Variants in FGF1 observed in about 807,000 individuals in gnomAD.
The protein encoded by FGF1 is fibroblast growth factor 1.
FGF1 carries 9 observed loss-of-function variants against 13.4 expected under a neutral mutation model. That is an observed-to-expected ratio of 0.67 (90% CI 0.40 to 1.17). The LOEUF is 1.17. Ranked by LOEUF, FGF1 falls within the 50% of genes most tolerant of loss-of-function variation. The pLI, the probability that FGF1 is intolerant of heterozygous loss-of-function variation, is 0.01. For missense variants in FGF1, 156 were observed against 192.7 expected, an observed-to-expected ratio of 0.81 and a Z score of 1.13; for synonymous variants, 93 against 79.0, an observed-to-expected ratio of 1.18 and a Z score of -0.94.
Position 142,613,281 on chromosome 5 carries a change from TAG to T in FGF1, c.169+676_169+677del, listed in dbSNP as rs575248141. ...AGATAGTCAAGAAGATTCTTTTCTC[TAG>T]AGTCATACCTTCATTTGTCAACACC... On this transcript the variant is annotated intron_variant, in intron 2 of 3. Coordinates refer to ENST00000337706, the MANE Select transcript of FGF1 (RefSeq NM_000800.5). Among the ~76,000 whole-genome samples, 8 of 152,372 alleles carry T rather than the reference TAG, an allele frequency of 5.3e-5. No homozygotes were observed. The South Asian group carries it at 1.7e-3, about 32-fold the overall frequency.
At chr5:142,648,966 G>A (rs756367709) in intron 1 of FGF1, among the ~76,000 whole-genome samples, 2 of 152,150 alleles carry the variant, frequency 1.3e-5, no homozygotes, top group Non-Finnish European at 2.9e-5. Context: ...ATAGCAGGAC[G>A]GCCGAGAGAG....
chr5:142,647,978 G>C (rs1766481217), intron 1 of FGF1, among the ~76,000 whole-genome samples: 1 of 152,134 alleles, frequency 6.6e-6, no homozygotes, highest in South Asian at 2.1e-4. Flanking sequence ...CCAGCTACTT[G>C]CGAGGCTGAA....
intron 2 of FGF1, among the ~76,000 whole-genome samples, chr5:142,601,748 C>T (rs1352572463): frequency 1.3e-5 from 2 of 152,084 alleles, no homozygotes; most frequent in Non-Finnish European, 2.9e-5. Context: ...GGTTGAGAAA[C>T]CTGGAGATGG....
In FGF1 at chr5:142,656,195, T is replaced by G. The variant is rs181179913; in HGVS notation, c.-35+29762A>C. Among the ~76,000 whole-genome samples the G allele has an allele frequency of 8.1e-4, 123 of 150,930 alleles. 2 individuals are homozygous for G. The highest frequency in any genetic ancestry group is 3.0e-3 in the African/African-American group (121 of 40,670). ...AATGTGCCCTCAGGAACCAGTATCT[T>G]CTTCCAATATTGACTCTAGCCATAG... On this transcript the variant is annotated intron_variant, in intron 1 of 3. Transcript: ENST00000337706.
At chr5:142,690,846 T>A (rs1371692431), upstream of FGF1, among the ~76,000 whole-genome samples, 1 of 152,188 alleles carries the variant, frequency 6.6e-6, no homozygotes, top group Non-Finnish European at 1.5e-5. Flanking sequence ...ACATACTCAT[T>A]GCTCACCGTG....
intron 1 of FGF1, among the ~76,000 whole-genome samples, chr5:142,671,146 C>T (rs1187852553): frequency 6.6e-6 from 1 of 152,208 alleles, no homozygotes; most frequent in Non-Finnish European, 1.5e-5. Context: ...ATTTAGATTA[C>T]ATGAACATAC....
chr5:142,600,367 G>GA (rs1017199519), intron 3 of FGF1, among the ~76,000 whole-genome samples: 8 of 151,734 alleles, frequency 5.3e-5, no homozygotes, highest in Non-Finnish European at 1.0e-4. Flanking sequence ...GTCTCAAAGT[G>GA]AAAAAAAGAA....
At chr5:142,650,697 A>G (rs985732032) in intron 1 of FGF1, among the ~76,000 whole-genome samples, 6 of 152,034 alleles carry the variant, frequency 3.9e-5, no homozygotes, top group African/African-American at 1.4e-4. Context: ...CACACTATGT[A>G]TACTGTGGTC....
At chr5:142,669,557 G>A (rs977250705) in intron 1 of FGF1, among the ~76,000 whole-genome samples, 3 of 152,178 alleles carry the variant, frequency 2.0e-5, no homozygotes, top group Non-Finnish European at 4.4e-5. Flanking sequence ...GAGGTGACTC[G>A]GGCATAGAGG....
intron 1 of FGF1, among the ~76,000 whole-genome samples, chr5:142,629,313 G>A (rs35215281): frequency 2.6e-5 from 4 of 151,962 alleles, no homozygotes; most frequent in Non-Finnish European, 2.9e-5. Context: ...GCACCACCAC[G>A]ACCAGCTAAT....
Position 142,592,497 on chromosome 5 carries a change from C to A in FGF1, c.*2793G>T, listed in dbSNP as rs1434839322. 2.5e-6 allele frequency: 1 copy of A among 398,404 alleles called. No homozygotes were observed. Among genetic ancestry groups the A allele is most frequent in the Non-Finnish European group, 4.4e-6 (1 of 225,918 alleles). The allele number at this position is 398,404 out of a possible 1,614,324, so 24.7% of individuals were successfully genotyped here. A position where few individuals can be genotyped will look rare whatever the true frequency, so the allele number is the denominator to read the frequency against. On this transcript the variant is annotated 3_prime_UTR_variant, in exon 4 of 4. Transcript: ENST00000337706. ...CCACCACCATCACATTGCAAACGAC[C>A]AAAAGCACATATGTTCATGATGCTT... is the stretch of plus-strand genomic sequence containing the variant.
Position 142,595,475 on chromosome 5 carries a change from T to C in FGF1, c.283A>G (p.Asn95Asp). The change falls in exon 4 of 4, where the codon AAT becomes GAT. Residue 95 changes from asparagine to aspartate, a missense_variant. By Grantham distance (23) the Asn-to-Asp change is conservative. Coordinates refer to ENST00000337706, the MANE Select transcript of FGF1 (RefSeq NM_000800.5). ...CTTTCCAGGAACAAACATTCCTCATTTGGTGTCTGCTAAAAAGATAAAACC... is the reference window on the plus strand; with the variant it reads ...CTTTCCAGGAACAAACATTCCTCATCTGGTGTCTGCTAAAAAGATAAAACC... The part of the protein sequence containing the change: ...DGLLYGSQTP[N>D]EECLFLERLE... The C allele has an allele frequency of 6.2e-7, 1 of 1,613,356 alleles. No individual in the cohort carries two copies. The highest frequency in any genetic ancestry group is 8.5e-7 in the Non-Finnish European group (1 of 1,179,616).
Position 142,640,430 on chromosome 5 carries a change from G to GGC in FGF1, c.-34-26270_-34-26269insGC, listed in dbSNP as rs566869805. ...GCACCAGGAGGTGGAGTATGGTGGGGGGGGGGGTCTCTCTGAGAAGCGGCA... is the reference window on the plus strand; with the variant it reads ...GCACCAGGAGGTGGAGTATGGTGGGGGCGGGGGGGTCTCTCTGAGAAGCGGCA... On this transcript the variant is annotated intron_variant, in intron 1 of 3. Coordinates refer to ENST00000337706, the MANE Select transcript of FGF1 (RefSeq NM_000800.5). Among the ~76,000 whole-genome samples the GGC allele has an allele frequency of 1.3e-3, 199 of 150,370 alleles. 9 individuals are homozygous for GGC. Among genetic ancestry groups the GGC allele is most frequent in the Admixed American group, 3.0e-3 (46 of 15,164 alleles).
chr5:142,599,235 C>T (rs1343691859), intron 3 of FGF1, among the ~76,000 whole-genome samples: 5 of 152,190 alleles, frequency 3.3e-5, no homozygotes, highest in Non-Finnish European at 7.3e-5. Context: ...GGAAGAACTA[C>T]CTTAAAAAAA....
chr5:142,598,756 G>A (rs755256024), intron 3 of FGF1, among the ~76,000 whole-genome samples: 14 of 152,162 alleles, frequency 9.2e-5, no homozygotes, highest in East Asian at 1.9e-4. Context: ...ATTCTTAGGC[G>A]TAATATACTA....
chr5:142,626,944 ACCTT>A (rs1762556942), intron 1 of FGF1: 1 of 152,088 alleles, frequency 6.6e-6, no homozygotes, highest in African/African-American at 2.4e-5. Context: ...AAGTCATGTA[ACCTT>A]TCTGGTCCCC....
chr5:142,622,206 G>A (rs181134657), intron 1 of FGF1, among the ~76,000 whole-genome samples: 84 of 152,320 alleles, frequency 5.5e-4, no homozygotes, highest in Admixed American at 3.6e-3. Flanking sequence ...ATTTAACTAC[G>A]TTTACTTCAC....
chr5:142,626,141 G>A (rs953880125), intron 1 of FGF1, among the ~76,000 whole-genome samples: 3 of 152,006 alleles, frequency 2.0e-5, no homozygotes, highest in Non-Finnish European at 4.4e-5. Context: ...CTCAAATTCT[G>A]TTAGGAAAGT....
chr5:142,617,904 C>T (rs999448228), intron 1 of FGF1, among the ~76,000 whole-genome samples: 3 of 152,084 alleles, frequency 2.0e-5, no homozygotes, highest in Non-Finnish European at 2.9e-5. Context: ...AAGTATATGG[C>T]GTGATAAAAC....
Sources: allele counts gnomAD v4.1 joint callset (sites outside exome capture counted in the v4.1 genomes callset), GRCh38; gene constraint gnomAD v4.1.1; transcripts MANE v1.5; gene names NCBI Gene and HGNC (gene_info 2026-07-23, HGNC 2026-07-21).